Variants in CBFB observed in about 807,000 individuals in gnomAD.
CBFB encodes the protein CBF-beta.
CBFB carries 9 observed loss-of-function variants against 30.4 expected under a neutral mutation model. The ratio of observed to expected loss-of-function variants is 0.30; its 90% confidence interval spans 0.18 to 0.52. CBFB has a LOEUF of 0.52. Ranked by LOEUF, CBFB falls within the 20% of genes least tolerant of loss-of-function variation. CBFB has a pLI of 0.97. For synonymous variants in CBFB, 94 were observed against 84.0 expected (o/e 1.12, Z -0.65); for missense variants, 170 against 244.0 (o/e 0.70, Z 2.02).
At chr16:67,072,140 T>C (rs1961240538) in intron 4 of CBFB, among the ~76,000 whole-genome samples, 1 of 152,246 alleles carries the variant, frequency 6.6e-6, no homozygotes, top group Admixed American at 6.5e-5. Flanking sequence ...ATTGTAACTG[T>C]ATTATTCCTA....
chr16:67,039,567 C>T (rs756377058), intron 3 of CBFB, among the ~76,000 whole-genome samples: 3 of 152,156 alleles, frequency 2.0e-5, no homozygotes, highest in Non-Finnish European at 4.4e-5. Flanking sequence ...TACAAGACCA[C>T]TGTCATATAT....
intron 3 of CBFB, among the ~76,000 whole-genome samples, chr16:67,048,864 A>C (rs1166793468): frequency 8.3e-6 from 1 of 120,316 alleles, no homozygotes; most frequent in East Asian, 2.3e-4. Context: ...CTTGTTGTCC[A>C]GACTGGAGTG....
intron 3 of CBFB, among the ~76,000 whole-genome samples, chr16:67,041,768 CTTTTTTT>C (rs140180530): frequency 9.1e-5 from 9 of 98,900 alleles, no homozygotes; most frequent in Non-Finnish European, 1.9e-4. Context: ...TGTTTCTTTA[CTTTTTTT>C]TTTTTTTTTT....
intron 5 of CBFB, among the ~76,000 whole-genome samples, chr16:67,091,730 A>T (rs1176745089): frequency 6.6e-6 from 1 of 151,928 alleles, no homozygotes; most frequent in Non-Finnish European, 1.5e-5. Flanking sequence ...TACCCTTTTT[A>T]AAATTTTTTT....
chr16:67,076,549 T>C (rs765423015), intron 4 of CBFB, among the ~76,000 whole-genome samples: 20 of 152,046 alleles, frequency 1.3e-4, no homozygotes, highest in Non-Finnish European at 2.8e-4. Flanking sequence ...TAATAAATAA[T>C]AGGAAAGCCA....
Position 67,066,813 on chromosome 16 carries a change from G to A in CBFB, c.399+15G>A. On this transcript the variant is annotated intron_variant, in intron 4 of 5. Coordinates refer to ENST00000412916, the MANE Select transcript of CBFB (RefSeq NM_022845.3). ...AGCGAGCCCAGGTAGGGTAACATCAGGCTTTATTGAGCATGGTCCCTTTAG... is the reference window on the plus strand; with the variant it reads ...AGCGAGCCCAGGTAGGGTAACATCAAGCTTTATTGAGCATGGTCCCTTTAG... 2 of 1,442,638 alleles carry A rather than the reference G, an allele frequency of 1.4e-6. No individual in the cohort carries two copies. The highest frequency in any genetic ancestry group is 1.9e-6 in the Non-Finnish European group (2 of 1,026,894). The allele number at this position is 1,442,638 out of a possible 1,614,324, so 89.4% of individuals were successfully genotyped here.
chr16:67,056,216 C>T (rs1390113415), intron 3 of CBFB, among the ~76,000 whole-genome samples: 2 of 152,098 alleles, frequency 1.3e-5, no homozygotes, highest in Non-Finnish European at 2.9e-5. Context: ...TCTAGTATTC[C>T]TTAAATGCAA....
intron 5 of CBFB, among the ~76,000 whole-genome samples, chr16:67,092,976 G>T (rs1219697242): frequency 1.3e-5 from 2 of 152,116 alleles, no homozygotes; most frequent in Non-Finnish European, 2.9e-5. Flanking sequence ...GCCTTCCAAA[G>T]TGTGGGGATT....
At chr16:67,042,590 ATGAG>A (rs1381858841) in intron 3 of CBFB, among the ~76,000 whole-genome samples, 298 of 152,186 alleles carry the variant, frequency 2.0e-3, no homozygotes, top group Non-Finnish European at 3.0e-3. Flanking sequence ...AGTGTCTCTC[ATGAG>A]GTTGCAGTCA....
chr16:67,084,649 TCAC>T (rs1444395213), intron 5 of CBFB, among the ~76,000 whole-genome samples: 5 of 152,356 alleles, frequency 3.3e-5, no homozygotes, highest in African/African-American at 1.2e-4. Flanking sequence ...TATGTGTATT[TCAC>T]CACTTTTTTT....
intron 5 of CBFB, among the ~76,000 whole-genome samples, chr16:67,085,631 A>AT (rs1961705546): frequency 6.8e-6 from 1 of 146,116 alleles, no homozygotes; most frequent in Non-Finnish European, 1.5e-5. Flanking sequence ...AAGTGCTGGG[A>AT]TTACAGATGT....
chr16:67,093,007 G>T (rs1961941064), intron 5 of CBFB, among the ~76,000 whole-genome samples: 1 of 152,024 alleles, frequency 6.6e-6, no homozygotes, highest in Non-Finnish European at 1.5e-5. Flanking sequence ...GCCAAGTGGT[G>T]CAGTCTTATA....
chr16:67,073,892 G>A (rs1040958916), intron 4 of CBFB, among the ~76,000 whole-genome samples: 7 of 151,856 alleles, frequency 4.6e-5, no homozygotes, highest in African/African-American at 1.2e-4. Context: ...AAAATTAGCC[G>A]GGCATGGTGG....
chr16:67,042,622 G>A (rs973792920), intron 3 of CBFB, among the ~76,000 whole-genome samples: 9 of 152,240 alleles, frequency 5.9e-5, no homozygotes, highest in Admixed American at 3.9e-4. Flanking sequence ...GCCTGGGACT[G>A]TGCAGTCTCT....
At chr16:67,043,375 T>G (rs1385468881) in intron 3 of CBFB, among the ~76,000 whole-genome samples, 1 of 152,264 alleles carries the variant, frequency 6.6e-6, no homozygotes, top group African/African-American at 2.4e-5. Flanking sequence ...GTCCTTTTAT[T>G]CATTCTGTTG....
At chr16:67,076,097 G>C (rs1208494553) in intron 4 of CBFB, among the ~76,000 whole-genome samples, 1 of 152,162 alleles carries the variant, frequency 6.6e-6, no homozygotes, top group Non-Finnish European at 1.5e-5. Flanking sequence ...AGGTATGGTG[G>C]TGGGTTCCTG....
chr16:67,083,040 T>C (rs1174254077), intron 5 of CBFB, among the ~76,000 whole-genome samples: 1 of 152,156 alleles, frequency 6.6e-6, no homozygotes, highest in African/African-American at 2.4e-5. Flanking sequence ...TTAGCTGGGT[T>C]TGGTGGCACA....
At chr16:67,054,379 G>C (rs536278816) in intron 3 of CBFB, among the ~76,000 whole-genome samples, 1 of 152,016 alleles carries the variant, frequency 6.6e-6, no homozygotes, top group Non-Finnish European at 1.5e-5. Flanking sequence ...TGATCTGTTT[G>C]TGACCAATTT....
In CBFB at chr16:67,036,772, T is replaced by A; in HGVS notation, c.282+17T>A. ...GCAGGCAAGGTAGGAAACATTTCTT[T>A]GCAATTTAAAATACTGTGGGTTGTT... On this transcript the variant is annotated intron_variant, in intron 3 of 5. Coordinates refer to ENST00000412916, the MANE Select transcript of CBFB (RefSeq NM_022845.3). The A allele has an allele frequency of 7.0e-7, 1 of 1,428,522 alleles. No individual in the cohort carries two copies. Among genetic ancestry groups the A allele is most frequent in the African/African-American group, 1.4e-5 (1 of 71,324 alleles). The allele number at this position is 1,428,522 out of a possible 1,614,324, so 88.5% of individuals were successfully genotyped here.
Sources: allele counts gnomAD v4.1 joint callset (sites outside exome capture counted in the v4.1 genomes callset), GRCh38; gene constraint gnomAD v4.1.1; transcripts MANE v1.5; gene names NCBI Gene and HGNC (gene_info 2026-07-23, HGNC 2026-07-21).